ASIC2: variants seen among roughly 807,000 people sequenced by gnomAD.
ASIC2 encodes acid-sensing ion channel 2.
Under a neutral mutation model 57.3 loss-of-function variants are expected in ASIC2, and 25 were observed. The observed-to-expected ratio is 0.44, with a 90% CI of 0.32 to 0.61. ASIC2 has a LOEUF of 0.61. Among genes scored for constraint, ASIC2 ranks in the 20% least tolerant of loss-of-function variants. The pLI, the probability that ASIC2 is intolerant of heterozygous loss-of-function variation, is 0.06. For missense variants in ASIC2, 641 were observed against 738.1 expected, an observed-to-expected ratio of 0.87 and a Z score of 1.52; for synonymous variants, 319 against 307.5, an observed-to-expected ratio of 1.04 and a Z score of -0.39.
intron 1 of ASIC2, among the ~76,000 whole-genome samples, chr17:33,402,757 C>T (rs11652862): frequency 0.5 from 76,236 of 151,932 alleles, 19,265 homozygotes; most frequent in South Asian, 0.54. Context: ...TACGCGTGTA[C>T]GTATCTTTAT....
At chr17:34,104,824 T>C (rs1023081978) in intron 1 of ASIC2, among the ~76,000 whole-genome samples, 3 of 152,050 alleles carry the variant, frequency 2.0e-5, no homozygotes, top group Non-Finnish European at 4.4e-5. Flanking sequence ...TAATTGGTTA[T>C]AATATTCTTT....
At chr17:33,868,170 T>C (rs906084423) in intron 1 of ASIC2, among the ~76,000 whole-genome samples, 1 of 140,710 alleles carries the variant, frequency 7.1e-6, no homozygotes, top group African/African-American at 2.6e-5. Flanking sequence ...TATGGCAGGG[T>C]CAACAAATGT....
At chr17:33,087,410 A>G (rs1218673728) in intron 3 of ASIC2, among the ~76,000 whole-genome samples, 1 of 152,120 alleles carries the variant, frequency 6.6e-6, no homozygotes, top group Non-Finnish European at 1.5e-5. Context: ...CTGCTCCTGC[A>G]TCAAAGCTGC....
intron 1 of ASIC2, among the ~76,000 whole-genome samples, chr17:33,306,405 G>A (rs955238057): frequency 6.6e-6 from 1 of 152,134 alleles, no homozygotes; most frequent in Non-Finnish European, 1.5e-5. Flanking sequence ...AATGTTAAAT[G>A]TCTGCCCTGC....
chr17:33,023,727 A>T (rs2091848217), intron 6 of ASIC2, 134 bp downstream of exon 6: 1 of 1,202,924 alleles, frequency 8.3e-7, no homozygotes, highest in Non-Finnish European at 1.2e-6. Flanking sequence ...GCAGAGCGTG[A>T]CACACAGAGG....
intron 1 of ASIC2, among the ~76,000 whole-genome samples, chr17:33,869,322 A>C (rs1046531813): frequency 2.0e-5 from 3 of 152,180 alleles, no homozygotes; most frequent in African/African-American, 7.2e-5. Context: ...GGAACGTAAA[A>C]TGGCACAAGT....
chr17:34,038,427 C>T, intron 1 of ASIC2: 2 of 1,612,266 alleles, frequency 1.2e-6, no homozygotes, highest in East Asian at 4.5e-5. Context: ...TGGTAATTCT[C>T]CTTTTTCTCA....
Position 33,025,934 on chromosome 17 carries a change from G to C in ASIC2, c.1187C>G (p.Pro396Arg). 6.2e-7 allele frequency: 1 copy of C among 1,613,130 alleles called. No individual in the cohort carries two copies. Among genetic ancestry groups the C allele is most frequent in the Non-Finnish European group, 8.5e-7 (1 of 1,179,594 alleles). The change falls in exon 5 of 10, where the codon CCT (proline) becomes CGT (arginine). Residue 396 changes from proline (P) to arginine (R), a missense_variant. Physicochemically the swap from Pro to Arg is moderately radical, Grantham distance 103 (BLOSUM62 -2). Around this residue, in one of 3 missense-constraint regions of ASIC2, gnomAD observed 252 missense variants for 319.8 expected, o/e 0.79. Transcript: ENST00000225823. Reference sequence around the variant, plus strand: ...GTCCCCTGAGTACTGACCTAGGGCAGGCTCTGCACACTCCTTGTGCTGCTC... The same window carrying C: ...GTCCCCTGAGTACTGACCTAGGGCACGCTCTGCACACTCCTTGTGCTGCTC... ...TPEQHKECAE[P>R]ALGLLAEKDS...
At chr17:33,514,789 C>A (rs1914518762) in intron 1 of ASIC2, among the ~76,000 whole-genome samples, 1 of 152,232 alleles carries the variant, frequency 6.6e-6, no homozygotes, top group Non-Finnish European at 1.5e-5. Context: ...ATGGGCTACT[C>A]CACCTTCTTC....
chr17:33,239,728 G>T (rs1363006859), intron 1 of ASIC2, among the ~76,000 whole-genome samples: 1 of 152,166 alleles, frequency 6.6e-6, no homozygotes, highest in African/African-American at 2.4e-5. Context: ...CTGAGATCTG[G>T]GGAGAGCCAT....
At chr17:33,838,877 C>T (rs1051853362) in intron 1 of ASIC2, among the ~76,000 whole-genome samples, 2 of 152,150 alleles carry the variant, frequency 1.3e-5, no homozygotes, top group Non-Finnish European at 2.9e-5. Context: ...CAAGAGTAGC[C>T]AGAGTTGAAA....
At chr17:33,579,995 C>T (rs993764665) in intron 1 of ASIC2, 1 of 152,128 alleles carries the variant, frequency 6.6e-6, no homozygotes, top group Non-Finnish European at 1.5e-5. Flanking sequence ...TTACAAACCT[C>T]TAGCTAGACA....
intron 1 of ASIC2, among the ~76,000 whole-genome samples, chr17:33,933,103 A>G (rs962836198): frequency 6.6e-6 from 1 of 152,126 alleles, no homozygotes; most frequent in African/African-American, 2.4e-5. Flanking sequence ...AGCTCCAGTC[A>G]ACCTGACCTT....
chr17:33,153,525 G>C (rs1904880618), intron 1 of ASIC2, among the ~76,000 whole-genome samples: 1 of 152,194 alleles, frequency 6.6e-6, no homozygotes, highest in African/African-American at 2.4e-5. Context: ...GAAAGTGGGA[G>C]GGAGGCATGG....
intron 1 of ASIC2, among the ~76,000 whole-genome samples, chr17:33,552,504 G>C (rs1427723973): frequency 6.6e-6 from 1 of 152,244 alleles, no homozygotes; most frequent in East Asian, 1.9e-4. Context: ...CAGGGACTTG[G>C]TGTCCAGCAG....
chr17:33,476,918 G>A (rs1005024567), intron 1 of ASIC2, among the ~76,000 whole-genome samples: 4 of 152,144 alleles, frequency 2.6e-5, no homozygotes, highest in African/African-American at 4.8e-5. Flanking sequence ...AGCCTCAGCA[G>A]TTGGGGAGAC....
At chr17:33,657,255 G>A (rs1429835438) in intron 1 of ASIC2, among the ~76,000 whole-genome samples, 1 of 152,180 alleles carries the variant, frequency 6.6e-6, no homozygotes, top group African/African-American at 2.4e-5. Flanking sequence ...TGTGGTGCTT[G>A]GAAGATGCAA....
At chr17:33,979,520 C>T (rs1043482076) in intron 1 of ASIC2, among the ~76,000 whole-genome samples, 6 of 152,144 alleles carry the variant, frequency 3.9e-5, no homozygotes, top group Non-Finnish European at 8.8e-5. Context: ...TGAATGTGAG[C>T]CAGCATCAGC....
At chr17:33,431,605 G>C (rs1911422675) in intron 1 of ASIC2, among the ~76,000 whole-genome samples, 1 of 152,006 alleles carries the variant, frequency 6.6e-6, no homozygotes, top group Non-Finnish European at 1.5e-5. Context: ...ATAAAAACTG[G>C]GTAGAGGAAG....
Sources: gnomAD v4.1 joint callset for allele counts (sites outside exome capture counted in the v4.1 genomes callset) on GRCh38, gnomAD v4.1.1 for gene constraint, gnomAD v4.1.1 regional missense constraint, MANE v1.5 for transcripts, NCBI Gene and HGNC (gene_info 2026-07-23, HGNC 2026-07-21) for gene names.